The following LRP1B variants were observed in gnomAD, a reference collection of about 807,000 sequenced individuals.
LRP1B encodes LDL receptor related protein 1B, also known as low-density lipoprotein receptor-related protein 1B.
LRP1B carries 217 observed loss-of-function variants against 556.6 expected under a neutral mutation model. The observed-to-expected ratio is 0.39, with a 90% CI of 0.35 to 0.44. LRP1B has a LOEUF of 0.44. Among genes scored for constraint, LRP1B ranks in the 20% least tolerant of loss-of-function variants. The pLI is 1.00. For synonymous variants in LRP1B, 2,047 were observed against 1,865.8 expected, an observed-to-expected ratio of 1.10 and a Z score of -2.50; for missense variants, 5,053 against 5,620.8, an observed-to-expected ratio of 0.90 and a Z score of 3.23.
intron 3 of LRP1B, among the ~76,000 whole-genome samples, chr2:141,300,794 G>A (rs537436861): frequency 6.6e-6 from 1 of 152,236 alleles, no homozygotes; most frequent in East Asian, 1.9e-4. Flanking sequence ...TTTCTGTACA[G>A]CCTGCAGAAT....
At chr2:141,951,900 T>G (rs926431870) in intron 1 of LRP1B, among the ~76,000 whole-genome samples, 3 of 152,074 alleles carry the variant, frequency 2.0e-5, no homozygotes, top group Admixed American at 6.6e-5. Context: ...ACGTGCATGT[T>G]TGTTACATAT....
intron 5 of LRP1B, among the ~76,000 whole-genome samples, chr2:141,234,135 G>A (rs144101291): frequency 3.3e-5 from 5 of 151,736 alleles, no homozygotes; most frequent in South Asian, 2.1e-4. Context: ...ACAAAGAATC[G>A]GTTTTAAGCC....
At chr2:141,474,938 A>G (rs754745312) in intron 3 of LRP1B, among the ~76,000 whole-genome samples, 3 of 152,220 alleles carry the variant, frequency 2.0e-5, no homozygotes, top group Admixed American at 6.5e-5. Context: ...AAACAATTAC[A>G]TAGATTGAAT....
chr2:142,090,866 T>C (rs1258692310), intron 1 of LRP1B, among the ~76,000 whole-genome samples: 2 of 152,138 alleles, frequency 1.3e-5, no homozygotes, highest in Non-Finnish European at 2.9e-5. Flanking sequence ...TATGAGAAGC[T>C]AAATATCAGG....
At chr2:141,099,215 A>G (rs924916779) in intron 7 of LRP1B, among the ~76,000 whole-genome samples, 1 of 152,084 alleles carries the variant, frequency 6.6e-6, no homozygotes, top group African/African-American at 2.4e-5. Context: ...ATATTTGTAA[A>G]TTTTTCTCTG....
At chr2:141,440,011 G>T (rs903748872) in intron 3 of LRP1B, among the ~76,000 whole-genome samples, 2 of 152,152 alleles carry the variant, frequency 1.3e-5, no homozygotes, top group Admixed American at 1.3e-4. Context: ...CTCATGCTAG[G>T]CACGCACTAT....
intron 88 of LRP1B, 56 bp downstream of exon 88, chr2:140,239,386 T>G (rs1680852707): frequency 7.5e-6 from 8 of 1,069,472 alleles, no homozygotes; most frequent in Non-Finnish European, 1.1e-5. Flanking sequence ...ATTATGTTTC[T>G]GCACCTAGTT....
intron 29 of LRP1B, among the ~76,000 whole-genome samples, chr2:140,843,054 TG>T (rs1298763813): frequency 5.3e-5 from 7 of 132,020 alleles, no homozygotes; most frequent in South Asian, 2.5e-4. Context: ...TTCTCCAAAG[TG>T]GTTTTTTTTT....
intron 7 of LRP1B, among the ~76,000 whole-genome samples, chr2:141,067,504 C>A (rs1025143512): frequency 6.6e-6 from 1 of 151,958 alleles, no homozygotes; most frequent in Non-Finnish European, 1.5e-5. Flanking sequence ...CTCCCACTGT[C>A]GGCTGGCTAT....
At chr2:140,880,628 A>C (rs1175500967) in intron 25 of LRP1B, among the ~76,000 whole-genome samples, 2 of 152,150 alleles carry the variant, frequency 1.3e-5, no homozygotes, top group African/African-American at 4.8e-5. Context: ...GGTCACAAAG[A>C]CCTTGATTGC....
chr2:140,370,575 G>A, intron 71 of LRP1B, 135 bp downstream of exon 71: 1 of 1,212,108 alleles, frequency 8.3e-7, no homozygotes. Flanking sequence ...AGGCTGCTAT[G>A]TAATGAAACT....
chr2:141,695,531 G>A (rs1691706656), intron 2 of LRP1B, among the ~76,000 whole-genome samples: 1 of 151,970 alleles, frequency 6.6e-6, no homozygotes, highest in Non-Finnish European at 1.5e-5. Flanking sequence ...AGGCTTAGAA[G>A]TTATGTAACT....
At chr2:142,077,503 G>T (rs956751658) in intron 1 of LRP1B, among the ~76,000 whole-genome samples, 1 of 152,020 alleles carries the variant, frequency 6.6e-6, no homozygotes, top group South Asian at 2.1e-4. Context: ...AGAGAAAAAA[G>T]TTATATTTAT....
chr2:141,062,007 CT>C, intron 8 of LRP1B, 43 bp downstream of exon 8: 1 of 1,533,810 alleles, frequency 6.5e-7, no homozygotes, highest in Admixed American at 1.7e-5. Context: ...TTATTCCTTT[CT>C]TTTTATTACC....
chr2:140,982,507 TAGTC>T (rs1696802227), intron 17 of LRP1B, among the ~76,000 whole-genome samples: 2 of 152,288 alleles, frequency 1.3e-5, no homozygotes, highest in African/African-American at 4.8e-5. Context: ...AATGACAAGA[TAGTC>T]AGTAACCCTC....
intron 7 of LRP1B, among the ~76,000 whole-genome samples, chr2:141,091,332 T>A (rs970946640): frequency 8.5e-5 from 13 of 152,134 alleles, no homozygotes; most frequent in African/African-American, 3.1e-4. Context: ...AAGGGTGGTG[T>A]TAGGGAGACA....
At chr2:142,003,718 C>A (rs1559015912) in intron 1 of LRP1B, among the ~76,000 whole-genome samples, 1 of 152,174 alleles carries the variant, frequency 6.6e-6, no homozygotes, top group Non-Finnish European at 1.5e-5. Flanking sequence ...GACATACAGT[C>A]TAAGAATGGC....
chr2:141,811,443 G>GA (rs1251472104), intron 1 of LRP1B, among the ~76,000 whole-genome samples: 1 of 151,760 alleles, frequency 6.6e-6, no homozygotes, highest in Non-Finnish European at 1.5e-5. Context: ...GAGCAATATG[G>GA]AAAATAATAC....
intron 3 of LRP1B, among the ~76,000 whole-genome samples, chr2:141,434,934 C>T (rs939548812): frequency 2.6e-5 from 4 of 152,104 alleles, no homozygotes; most frequent in African/African-American, 9.7e-5. Flanking sequence ...CTTATTTGTC[C>T]AATGTTGTGC....
Sources: allele counts gnomAD v4.1 joint callset (sites outside exome capture counted in the v4.1 genomes callset), GRCh38; gene constraint gnomAD v4.1.1; transcripts MANE v1.5; gene names NCBI Gene and HGNC (gene_info 2026-07-23, HGNC 2026-07-21).